MTUS2: variants seen among roughly 807,000 people sequenced by gnomAD.
MTUS2 encodes the protein microtubule-associated tumor suppressor candidate 2.
Under a neutral mutation model 114.1 loss-of-function variants are expected in MTUS2, and 40 were observed. The observed-to-expected ratio is 0.35, with a 90% CI of 0.27 to 0.46. The LOEUF is 0.46. Among genes scored for constraint, MTUS2 ranks in the 20% least tolerant of loss-of-function variants. MTUS2 has a pLI of 1.00. For synonymous variants in MTUS2, 688 were observed against 672.0 expected (o/e 1.02, Z -0.37); for missense variants, 1,679 against 1,705.4 (o/e 0.98, Z 0.27).
At chr13:28,973,958 G>T (rs1043366741) in intron 2 of MTUS2, among the ~76,000 whole-genome samples, 2 of 152,322 alleles carry the variant, frequency 1.3e-5, no homozygotes, top group Non-Finnish European at 2.9e-5. Flanking sequence ...AGCAGCCTGT[G>T]TTTTTATGTA....
At chr13:28,894,460 A>G (rs1249419019) in intron 2 of MTUS2, among the ~76,000 whole-genome samples, 1 of 151,970 alleles carries the variant, frequency 6.6e-6, no homozygotes, top group Non-Finnish European at 1.5e-5. Flanking sequence ...ACCACAAACA[A>G]AATCTACTGG....
At chr13:29,028,718 T>C (rs1439389808) in intron 3 of MTUS2, among the ~76,000 whole-genome samples, 12 of 152,166 alleles carry the variant, frequency 7.9e-5, no homozygotes, top group African/African-American at 4.8e-5. Flanking sequence ...AATACTTTTT[T>C]AGTTTTCCTG....
chr13:29,447,633 C>G (rs1332454827), intron 9 of MTUS2, among the ~76,000 whole-genome samples: 1 of 136,734 alleles, frequency 7.3e-6, no homozygotes, highest in African/African-American at 2.8e-5. Flanking sequence ...TTTTTTAATG[C>G]TGGTCATAAA....
intron 5 of MTUS2, among the ~76,000 whole-genome samples, chr13:29,101,220 A>G (rs1432798556): frequency 1.3e-5 from 2 of 152,106 alleles, no homozygotes; most frequent in African/African-American, 2.4e-5. Context: ...ATCCAGAGAC[A>G]GATTCCAGCA....
rs373005214 is a variant in MTUS2, at chr13:29,382,884, G to GA, written c.3117+23420dup. ...CTGGAAATGAGTGGAGAGGCTTCCT[G>GA]AAAAAAAAATAGGCTCAAATGAGAG... On this transcript the variant is annotated intron_variant, in intron 8 of 15. Transcript: ENST00000612955. Among the ~76,000 whole-genome samples the GA allele has an allele frequency of 2.8e-4, 42 of 150,884 alleles. No homozygotes were observed. The South Asian group carries it at 4.0e-3, about 14-fold the overall frequency.
intron 5 of MTUS2, among the ~76,000 whole-genome samples, chr13:29,124,026 C>A (rs916714395): frequency 2.6e-5 from 4 of 152,208 alleles, no homozygotes; most frequent in Non-Finnish European, 4.4e-5. Context: ...ACAAATAATT[C>A]TCTCCCTTGT....
chr13:29,307,632 C>G, intron 6 of MTUS2: 1 of 1,167,368 alleles, frequency 8.6e-7, no homozygotes, highest in Non-Finnish European at 1.3e-6. Flanking sequence ...TCTCCTCTGA[C>G]TTCAACAGCG....
At chr13:29,271,175 T>A (rs1897868640) in intron 5 of MTUS2, among the ~76,000 whole-genome samples, 5 of 152,192 alleles carry the variant, frequency 3.3e-5, no homozygotes, top group Middle Eastern at 3.2e-3. Flanking sequence ...AGTAAAGGAT[T>A]CCTCTTCTCT....
intron 2 of MTUS2, among the ~76,000 whole-genome samples, chr13:29,019,217 G>A (rs1886193753): frequency 1.3e-5 from 2 of 152,180 alleles, no homozygotes; most frequent in Non-Finnish European, 2.9e-5. Context: ...CACAGTGGCT[G>A]CAGGGACTGG....
intron 9 of MTUS2, among the ~76,000 whole-genome samples, chr13:29,441,032 A>G (rs923963883): frequency 3.2e-4 from 49 of 152,244 alleles, no homozygotes; most frequent in African/African-American, 1.2e-3. Flanking sequence ...GACTTCTTTT[A>G]ACATTAAAGT....
At chr13:28,954,409 A>G (rs1228353617) in intron 2 of MTUS2, among the ~76,000 whole-genome samples, 1 of 152,206 alleles carries the variant, frequency 6.6e-6, no homozygotes, top group African/African-American at 2.4e-5. Flanking sequence ...TTAATTACCT[A>G]AAAACAAAAG....
chr13:29,062,249 G>A (rs960772473), intron 4 of MTUS2, among the ~76,000 whole-genome samples: 1 of 152,172 alleles, frequency 6.6e-6, no homozygotes, highest in African/African-American at 2.4e-5. Flanking sequence ...GCCTCCCAAA[G>A]TGCTGGGATT....
Position 28,960,372 on chromosome 13 carries a change from G to A in MTUS2, c.-242-64085G>A, listed in dbSNP as rs542201765. Reference sequence around the variant, plus strand: ...GTTATCATATGACTCAGTAATTTTAGTCCTAGGTATATATCCAAGAGTGTG... The same window carrying A: ...GTTATCATATGACTCAGTAATTTTAATCCTAGGTATATATCCAAGAGTGTG... On this transcript the variant is annotated intron_variant, in intron 2 of 15. Transcript: ENST00000612955. Among the ~76,000 whole-genome samples, 12 of 152,256 alleles carry A rather than the reference G, an allele frequency of 7.9e-5. No individual in the cohort carries two copies. The South Asian group carries it at 2.5e-3, about 32-fold the overall frequency.
intron 5 of MTUS2, among the ~76,000 whole-genome samples, chr13:29,187,391 C>T (rs934605495): frequency 1.1e-4 from 17 of 151,876 alleles, no homozygotes; most frequent in African/African-American, 3.9e-4. Flanking sequence ...ACTCAAATGA[C>T]TAAAATCAGG....
intron 5 of MTUS2, among the ~76,000 whole-genome samples, chr13:29,197,240 G>A (rs1340707627): frequency 2.0e-5 from 3 of 151,880 alleles, no homozygotes; most frequent in Non-Finnish European, 1.5e-5. Flanking sequence ...CCCTGGACAG[G>A]CCCCAGTGTG....
chr13:28,837,703 T>A (rs1442260494), intron 1 of MTUS2, among the ~76,000 whole-genome samples: 1 of 152,256 alleles, frequency 6.6e-6, no homozygotes, highest in Non-Finnish European at 1.5e-5. Context: ...AATTCAGAGC[T>A]GTTCTATTTG....
chr13:28,857,536 C>A (rs946263428), intron 2 of MTUS2, among the ~76,000 whole-genome samples: 4 of 152,112 alleles, frequency 2.6e-5, no homozygotes, highest in Non-Finnish European at 5.9e-5. Flanking sequence ...AACAGGCTGC[C>A]TTTGGGGAAA....
chr13:29,000,868 C>A (rs1885353835), intron 2 of MTUS2, among the ~76,000 whole-genome samples: 1 of 152,154 alleles, frequency 6.6e-6, no homozygotes, highest in Admixed American at 6.5e-5. Flanking sequence ...GCCTCCCAGT[C>A]CTTCTCCTTC....
Position 29,505,579 on chromosome 13 carries a change from C to A in MTUS2, c.*2373C>A, listed in dbSNP as rs1883182054. The A allele has an allele frequency of 4.3e-6, 1 of 232,158 alleles. No homozygotes were observed. The highest frequency in any genetic ancestry group is 6.1e-5 in the East Asian group (1 of 16,448). The allele number at this position is 232,158 out of a possible 1,614,324, so 14.4% of individuals were successfully genotyped here. A position where few individuals can be genotyped will look rare whatever the true frequency, so the allele number is the denominator to read the frequency against. ...GCCTCCTTCTCAATTCTTCCACCCC[C>A]CCACACCATCAGAATTCGGATTTCT... On this transcript the variant is annotated 3_prime_UTR_variant, in exon 16 of 16. Transcript: ENST00000612955.
Sources: gnomAD v4.1 joint callset for allele counts (sites outside exome capture counted in the v4.1 genomes callset) on GRCh38, gnomAD v4.1.1 for gene constraint, MANE v1.5 for transcripts, NCBI Gene and HGNC (gene_info 2026-07-23, HGNC 2026-07-21) for gene names.